The following TPP1 variants were observed in gnomAD, a reference collection of about 807,000 sequenced individuals.
TPP1 encodes tripeptidyl-peptidase 1.
TPP1 carries 43 observed loss-of-function variants against 67.6 expected under a neutral mutation model. That is an observed-to-expected ratio of 0.64 (90% CI 0.50 to 0.82). The LOEUF is 0.82. Among genes scored for constraint, TPP1 ranks in the 40% least tolerant of loss-of-function variants. TPP1 has a pLI of 0.00. For missense variants in TPP1, 671 were observed against 710.9 expected (o/e 0.94, Z 0.64); for synonymous variants, 272 against 281.5 (o/e 0.97, Z 0.34).
chr11:6,615,414 C>T lies in TPP1; in HGVS notation c.1266+28G>A, dbSNP rs115795247. On this transcript the variant is annotated intron_variant, in intron 10 of 12. Coordinates refer to ENST00000299427, the MANE Select transcript of TPP1 (RefSeq NM_000391.4). The stretch of plus-strand genomic sequence containing the variant: ...AGGATCCCCCATCCTCACTCTTACC[C>T]TGCATCCATCCACACAAACACACGT... 2,599 of 1,614,180 alleles carry T rather than the reference C, an allele frequency of 1.6e-3. 56 individuals carry two copies. The African/African-American group carries it at 0.029, about 18-fold the overall frequency.
At position 6,616,997 on chromosome 11, in the gene TPP1, T is replaced by C. The variant is rs372787642; in HGVS notation, c.665A>G (p.Asn222Ser). 52 of 1,614,036 alleles carry C rather than the reference T, an allele frequency of 3.2e-5. No homozygotes were observed. The highest frequency in any genetic ancestry group is 4.5e-5 in the East Asian group (2 of 44,894). Residue 222 changes from asparagine to serine, a missense_variant, in exon 6 of 13, where the codon AAT becomes AGT. Physicochemically the swap from Asn to Ser is conservative, Grantham distance 46 (BLOSUM62 1). Transcript: ENST00000299427. ...CACCTGGGCACAGGCTTGGCTGTTA[T>C]TGCTGGTGCCAGAGCCCACGTCTTG... Reference protein sequence around the residue: ...TSQDVGSGTSNNSQACAQFLE... With the variant: ...TSQDVGSGTSSNSQACAQFLE...
Position 6,614,900 on chromosome 11 carries a change from C to T in TPP1, c.1517G>A (p.Arg506Lys). ...GRPPLGFLNP[R>K]LYQQHGAGLF... ...TCCTGCCCCATGCTGCTGGTAGAGC[C>T]TTGGGTTGAGAAAGCCAAGAGGGGG... Residue 506 changes from arginine (R) to lysine (K), a missense_variant, in exon 12 of 13, where the codon AGG becomes AAG. Coordinates refer to ENST00000299427, the MANE Select transcript of TPP1 (RefSeq NM_000391.4). 6.2e-7 allele frequency: 1 copy of T among 1,614,116 alleles called. No homozygotes were observed.
chr11:6,614,513 AG>A lies in TPP1; in HGVS notation c.*32del. 3 of 1,614,078 alleles carry A rather than the reference AG, an allele frequency of 1.9e-6. No homozygotes were observed. Among genetic ancestry groups the A allele is most frequent in the Non-Finnish European group, 2.5e-6 (3 of 1,179,994 alleles). ...GGGACTGAACTGCCAGCTTCAGGGC[AG>A]GGGACAAGCCATCTCTCCTGATAGG... On this transcript the variant is annotated 3_prime_UTR_variant, in exon 13 of 13. Coordinates refer to ENST00000299427, the MANE Select transcript of TPP1 (RefSeq NM_000391.4).
At position 6,617,617 on chromosome 11, in the gene TPP1, T is replaced by A; in HGVS notation, c.380+9A>T. The A allele has an allele frequency of 6.2e-7, 1 of 1,614,112 alleles. No individual in the cohort carries two copies. Among genetic ancestry groups the A allele is most frequent in the Non-Finnish European group, 8.5e-7 (1 of 1,180,034 alleles). Reference sequence around the variant, plus strand: ...TGGTGCCCTCCATGGAGCAATCATTTCCTCTCACCGGATGCTCAGCCAGCA... The same window carrying A: ...TGGTGCCCTCCATGGAGCAATCATTACCTCTCACCGGATGCTCAGCCAGCA... On this transcript the variant is annotated intron_variant, in intron 4 of 12. Coordinates refer to ENST00000299427, the MANE Select transcript of TPP1 (RefSeq NM_000391.4).
At position 6,616,140 on chromosome 11, in the gene TPP1, A is replaced by T. The variant is rs113387451; in HGVS notation, c.1076-66T>A. 1,780 of 1,605,752 alleles carry T rather than the reference A, an allele frequency of 1.1e-3. 12 individuals carry two copies. In the African/African-American group the frequency reaches 0.019, roughly 17 times the overall value. On this transcript the variant is annotated intron_variant, in intron 8 of 12. Transcript: ENST00000299427. ...GGCTTAGTATGTGGGTTCGGATGTC[A>T]GAGGGGAAATTTGTTACTGTAGGAG...
In TPP1 at chr11:6,618,916, C is replaced by A; in HGVS notation, c.90-1G>T. ...CAGGGACACCCAGCCTGGGGGCAGCCTGTAGGGTCAGGGGTCAGGGACATG... is the reference window on the plus strand; with the variant it reads ...CAGGGACACCCAGCCTGGGGGCAGCATGTAGGGTCAGGGGTCAGGGACATG... On this transcript the variant is annotated splice_acceptor_variant, in intron 2 of 12. Transcript: ENST00000299427. LOFTEE classifies it high-confidence loss of function. 1.2e-6 allele frequency: 2 copies of A among 1,612,938 alleles called. No individual in the cohort carries two copies. Among genetic ancestry groups the A allele is most frequent in the Non-Finnish European group, 8.5e-7 (1 of 1,180,004 alleles).
chr11:6,617,965 G>A, intron 3 of TPP1, 189 bp from the exon 4 acceptor site: 2 of 728,454 alleles, frequency 2.7e-6, no homozygotes, highest in Non-Finnish European at 4.6e-6. Context: ...AAATGCCATG[G>A]CCAATAATAT....
At position 6,618,823 on chromosome 11, in the gene TPP1, A is replaced by C. The variant is rs1060502179; in HGVS notation, c.182T>G (p.Leu61Arg). Residue 61 changes from leucine (L) to arginine (R), a missense_variant, in exon 3 of 13, where the codon CTC becomes CGC. Leu to Arg is a moderately radical substitution (Grantham distance 102). Coordinates refer to ENST00000299427, the MANE Select transcript of TPP1 (RefSeq NM_000391.4). ...FALRQQNVER[L>R]SELVQAVSDP... ...CGACACAGCCTGCACCAGCTCCGAG[A>C]GTCTTTCCACATTCTGCTGTCTCAG... 1 of 1,613,874 alleles carries C rather than the reference A, an allele frequency of 6.2e-7. No homozygotes were observed. The highest frequency in any genetic ancestry group is 8.5e-7 in the Non-Finnish European group (1 of 1,180,028).
At chr11:6,615,372 A>C (rs1203798488) in intron 10 of TPP1, 43 bp from the exon 11 acceptor site, 2 of 1,614,046 alleles carry the variant, frequency 1.2e-6, no homozygotes, top group African/African-American at 2.7e-5. Context: ...TGGCCTGCCC[A>C]GCAGTCAGCT....
chr11:6,617,091 T>G lies in TPP1; in HGVS notation c.571A>C (p.Thr191Pro). 1 of 1,614,130 alleles carries G rather than the reference T, an allele frequency of 6.2e-7. No individual in the cohort carries two copies. Among genetic ancestry groups the G allele is most frequent in the South Asian group, 1.1e-5 (1 of 91,086 alleles). Residue 191 changes from threonine (T) to proline (P), a missense_variant, in exon 6 of 13, where the codon ACA becomes CCA. Coordinates refer to ENST00000299427, the MANE Select transcript of TPP1 (RefSeq NM_000391.4). ...CCCAGATGCAGGCCTACAGTCCCTG[T>G]CACCTGCGGCTCAGGACGTTGCCTC... is the stretch of plus-strand genomic sequence containing the variant. ...SLRQRPEPQV[T>P]GTVGLHLGVT...
chr11:6,617,191 C>G, intron 5 of TPP1, 38 bp from the exon 6 acceptor site: 1 of 1,613,860 alleles, frequency 6.2e-7, no homozygotes, highest in African/African-American at 1.3e-5. Flanking sequence ...ATCTTATAGA[C>G]TGTAATGCCC....
chr11:6,616,951 C>A (rs779034212), intron 6 of TPP1, 24 bp downstream of exon 6: 1 of 1,614,042 alleles, frequency 6.2e-7, no homozygotes, highest in East Asian at 2.2e-5. Flanking sequence ...CTATGAGGAC[C>A]CTGGGGCTCT....
At position 6,614,682 on chromosome 11, in the gene TPP1, G is replaced by A; in HGVS notation, c.1556C>T (p.Thr519Ile). Residue 519 changes from threonine (T) to isoleucine (I), a missense_variant, in exon 13 of 13, where the codon ACC becomes ATC. By Grantham distance (89) the Thr-to-Ile change is moderately conservative. Transcript: ENST00000299427. ...QQHGAGLFDV[T>I]RGCHESCLDE... ...CAGACAGGACTCATGGCAGCCACGG[G>A]TTACCTAGGGAGGAGGCTGGCATCA... 1 of 1,614,098 alleles carries A rather than the reference G, an allele frequency of 6.2e-7. No individual in the cohort carries two copies. Among genetic ancestry groups the A allele is most frequent in the Non-Finnish European group, 8.5e-7 (1 of 1,180,022 alleles).
At chr11:6,616,172 G>C (rs1425356276) in intron 8 of TPP1, 98 bp from the exon 9 acceptor site, 5 of 1,578,348 alleles carry the variant, frequency 3.2e-6, no homozygotes, top group East Asian at 2.2e-5. Flanking sequence ...GGAGGTCAGA[G>C]TGTAGAGGTC....
In TPP1 at chr11:6,618,792, G is replaced by A. The variant is rs143730817; in HGVS notation, c.213C>T (p.Pro71=). 1.2e-5 allele frequency: 19 copies of A among 1,613,902 alleles called. No homozygotes were observed. The highest frequency in any genetic ancestry group is 1.5e-5 in the Non-Finnish European group (18 of 1,180,034). The change falls in exon 3 of 13, where the codon CCC becomes CCT. Residue 71 remains proline (P), a synonymous_variant. Transcript: ENST00000299427. ...LSELVQAVSD[P]SSPQYGKYLT... The stretch of plus-strand genomic sequence containing the variant: ...AAAAGGCACCGTATTGAGGAGAGCT[G>A]GGATCCGACACAGCCTGCACCAGCT...
At chr11:6,615,129 G>C (rs1430385667) in intron 11 of TPP1, 42 bp downstream of exon 11, 15 of 1,614,078 alleles carry the variant, frequency 9.3e-6, no homozygotes, top group South Asian at 4.4e-5. Flanking sequence ...AGGGGGTAAG[G>C]GTAGTTCCTG....
intron 10 of TPP1, 55 bp downstream of exon 10, chr11:6,615,387 T>C (rs1231142389): frequency 1.9e-6 from 3 of 1,614,154 alleles, no homozygotes; most frequent in Non-Finnish European, 2.5e-6. Context: ...TCAGCTGAAC[T>C]GAGGATCCCC....
At chr11:6,614,834 A>G in intron 12 of TPP1, 32 bp downstream of exon 12, 1 of 1,613,996 alleles carries the variant, frequency 6.2e-7, no homozygotes, top group Non-Finnish European at 8.5e-7. Flanking sequence ...TAGTTGTTTG[A>G]AAACGTCCAC....
chr11:6,615,712 T>A, intron 9 of TPP1, 150 bp from the exon 10 acceptor site: 1 of 1,070,642 alleles, frequency 9.3e-7, no homozygotes, highest in Non-Finnish European at 1.4e-6. Flanking sequence ...ATTTTGAGCC[T>A]TCAAGGCATG....
Sources: allele counts gnomAD v4.1 joint callset, GRCh38; gene constraint gnomAD v4.1.1; transcripts MANE v1.5; gene names NCBI Gene and HGNC (gene_info 2026-07-23, HGNC 2026-07-21).